PLAGL1: variants seen among roughly 807,000 people sequenced by gnomAD.
PLAGL1 encodes PLAG1 like zinc finger 1.
In PLAGL1, 1 loss-of-function variant was observed where a neutral mutation model predicts 4.6. That is an observed-to-expected ratio of 0.22 (90% CI 0.08 to 1.03). The LOEUF (loss-of-function observed/expected upper bound fraction) is 1.03. Among genes scored for constraint, PLAGL1 ranks in the 50% least tolerant of loss-of-function variants. PLAGL1 has a pLI of 0.58. For synonymous variants in PLAGL1, 240 were observed against 237.8 expected (o/e 1.01, Z -0.08); for missense variants, 464 against 570.4 (o/e 0.81, Z 1.90).
chr6:144,023,551 A>C (rs1297172415), intron 1 of PLAGL1, among the ~76,000 whole-genome samples: 3 of 152,162 alleles, frequency 2.0e-5, no homozygotes, highest in Non-Finnish European at 4.4e-5. Context: ...TAAGCACCAC[A>C]CTCTAATTGA....
chr6:144,002,882 G>C (rs9484837), intron 1 of PLAGL1, among the ~76,000 whole-genome samples: 91 of 148,360 alleles, frequency 6.1e-4, no homozygotes, highest in Non-Finnish European at 1.2e-3. Flanking sequence ...ATTCTGGTAG[G>C]CTTTTTTTTT....
chr6:144,012,375 G>C (rs1795247981), upstream of PLAGL1, among the ~76,000 whole-genome samples: 1 of 151,890 alleles, frequency 6.6e-6, no homozygotes, highest in African/African-American at 2.4e-5. The surrounding 1 kb of genome is among the most constrained non-coding windows in gnomAD (Gnocchi z 4.8). Context: ...ATCACAACCG[G>C]CTAATTTTTG....
At chr6:144,054,091 T>C (rs185175393) in intron 1 of PLAGL1, among the ~76,000 whole-genome samples, 1 of 152,282 alleles carries the variant, frequency 6.6e-6, no homozygotes, top group Non-Finnish European at 1.5e-5. Flanking sequence ...TGCTTTATAA[T>C]TATAAAGTCT....
At chr6:144,038,139 C>A (rs879727452) in intron 1 of PLAGL1, among the ~76,000 whole-genome samples, 2 of 152,120 alleles carry the variant, frequency 1.3e-5, no homozygotes, top group Non-Finnish European at 2.9e-5. Context: ...CTGATGAAAG[C>A]GATAAGCCTG....
chr6:143,991,849 G>T (rs1255371322), intron 1 of PLAGL1, among the ~76,000 whole-genome samples: 1 of 152,198 alleles, frequency 6.6e-6, no homozygotes, highest in Admixed American at 6.5e-5. Flanking sequence ...TAGACCCAAG[G>T]GGTGGCCAAG....
intron 2 of PLAGL1, among the ~76,000 whole-genome samples, chr6:143,976,350 CT>C (rs537375516): frequency 2.6e-4 from 34 of 130,564 alleles, no homozygotes; most frequent in Non-Finnish European, 5.2e-4. Flanking sequence ...CCTTATACTG[CT>C]TTTTGTTCAC....
At chr6:143,991,136 G>C (rs1359348757) in intron 1 of PLAGL1, among the ~76,000 whole-genome samples, 1 of 152,118 alleles carries the variant, frequency 6.6e-6, no homozygotes, top group African/African-American at 2.4e-5. Flanking sequence ...ATGTCCACAA[G>C]GTTGGAAAAC....
In PLAGL1 at chr6:143,961,466, G is replaced by C. The variant is rs1783362990; in HGVS notation, c.-398-924C>G. On this transcript the variant is annotated intron_variant, in intron 5 of 7. Transcript: ENST00000674357. The surrounding 1 kb of genome is among the most constrained non-coding windows in gnomAD (Gnocchi z 6.5). ...CAAAAAGGCTATGTCCATTTATTTT[G>C]TATGAGAACATCCTTTTAAGTTAAA... The C allele has an allele frequency of 6.6e-6, 1 of 152,156 alleles. No homozygotes were observed. Among genetic ancestry groups the C allele is most frequent in the Non-Finnish European group, 1.5e-5 (1 of 68,026 alleles). 9.4% of individuals were successfully genotyped at this position (152,156 alleles called of 1,614,324 possible).
At chr6:144,029,940 G>C (rs1796672264) in intron 1 of PLAGL1, among the ~76,000 whole-genome samples, 2 of 152,132 alleles carry the variant, frequency 1.3e-5, no homozygotes, top group Non-Finnish European at 2.9e-5. Context: ...ATTTCTAATA[G>C]CAAAAGTTCA....
At position 143,968,015 on chromosome 6, in the gene PLAGL1, A is replaced by AAAC. The variant is rs1784761777; in HGVS notation, c.-472+891_-472+892insGTT. On this transcript the variant is annotated intron_variant, in intron 3 of 7. Coordinates refer to ENST00000674357, the MANE Select transcript of PLAGL1 (RefSeq NM_001317162.2). This position sits in a 1 kb window ranked among gnomAD's most constrained non-coding sequence, Gnocchi z 6.3. The stretch of plus-strand genomic sequence containing the variant: ...CATTTTGCAAAAAAAAAAAAAAAAA[A>AAAC]AAACAGTCTGGAGAGAGGCCAAGAG... 6.6e-6 allele frequency: 1 copy of AAAC among 150,922 alleles called. No individual in the cohort carries two copies. Among genetic ancestry groups the AAAC allele is most frequent in the Non-Finnish European group, 1.5e-5 (1 of 67,842 alleles). 9.3% of individuals were successfully genotyped at this position (150,922 alleles called of 1,614,324 possible).
At chr6:144,062,340 G>A (rs923211934) in intron 1 of PLAGL1, among the ~76,000 whole-genome samples, 6 of 150,142 alleles carry the variant, frequency 4.0e-5, no homozygotes, top group African/African-American at 9.8e-5. Flanking sequence ...TCACGCCACC[G>A]CACTCCAGCC....
rs1396268850 is a variant in PLAGL1, at chr6:144,033,508, C to A, written c.-151+30960G>T. ...AGATTGTCTTCAGCAAACTGAAATA[C>A]AGACAGGAAAGGTGGTACCAGTGAG... On this transcript the variant is annotated intron_variant, in intron 1 of 3. Coordinates refer to the PLAGL1 transcript ENST00000437412. Among the ~76,000 whole-genome samples, 4 of 152,152 alleles carry A rather than the reference C, an allele frequency of 2.6e-5. No individual in the cohort carries two copies. The South Asian group carries it at 8.3e-4, about 32-fold the overall frequency.
chr6:144,008,537 T>G (rs967307734), upstream of PLAGL1: 6 of 151,966 alleles, frequency 3.9e-5, no homozygotes, highest in Non-Finnish European at 8.8e-5. The surrounding 1 kb of genome is among the most constrained non-coding windows in gnomAD (Gnocchi z 6.9). Context: ...CACCCACACG[T>G]CCTGCGGGCC....
intron 1 of PLAGL1, among the ~76,000 whole-genome samples, chr6:144,058,658 T>C (rs1163992538): frequency 2.0e-5 from 3 of 152,204 alleles, no homozygotes; most frequent in African/African-American, 7.2e-5. Flanking sequence ...ACATTCCCAT[T>C]TCTAAAGGGA....
intron 1 of PLAGL1, among the ~76,000 whole-genome samples, chr6:144,042,817 T>G (rs1406415000): frequency 1.3e-5 from 2 of 152,248 alleles, no homozygotes; most frequent in African/African-American, 4.8e-5. Flanking sequence ...CATGGAATGT[T>G]CTTCCATTTG....
At position 143,940,362 on chromosome 6, in the gene PLAGL1, A is replaced by C. The variant is rs1163631005; in HGVS notation, c.*1062T>G. On this transcript the variant is annotated 3_prime_UTR_variant, in exon 8 of 8. Transcript: ENST00000674357. ...TGTTTACGGAAAAGCCTCTAAAAAC[A>C]TAAGACAATGGAGCTTTAAAAAAGG... is the stretch of plus-strand genomic sequence containing the variant. 1 of 152,244 alleles carries C rather than the reference A, an allele frequency of 6.6e-6. No homozygotes were observed. The highest frequency in any genetic ancestry group is 1.5e-5 in the Non-Finnish European group (1 of 68,044). 9.4% of individuals were successfully genotyped at this position (152,244 alleles called of 1,614,324 possible). A position where few individuals can be genotyped will look rare whatever the true frequency, so the allele number is the denominator to read the frequency against.
chr6:143,977,287 T>C (rs897046977), intron 2 of PLAGL1, among the ~76,000 whole-genome samples: 15 of 152,142 alleles, frequency 9.9e-5, no homozygotes, highest in Non-Finnish European at 1.0e-4. Context: ...CAGAGAAGTT[T>C]TGCCGATCTT....
rs1388836485 is a variant in PLAGL1, at chr6:143,964,806, C to G, written c.-418G>C. On this transcript the variant is annotated 5_prime_UTR_variant, in exon 5 of 8. Coordinates refer to ENST00000674357, the MANE Select transcript of PLAGL1 (RefSeq NM_001317162.2). This position sits in a 1 kb window ranked among gnomAD's most constrained non-coding sequence, Gnocchi z 4.3. Reference sequence around the variant, plus strand: ...ACTCACAAGATTAACTCCTCTGATTCCTATGCAAATACCTAGAAAGGGAGA... The same window carrying G: ...ACTCACAAGATTAACTCCTCTGATTGCTATGCAAATACCTAGAAAGGGAGA... The G allele has an allele frequency of 6.6e-6, 1 of 152,180 alleles. No homozygotes were observed. Among genetic ancestry groups the G allele is most frequent in the East Asian group, 1.9e-4 (1 of 5,190 alleles). 9.4% of individuals were successfully genotyped at this position (152,180 alleles called of 1,614,324 possible). A position where few individuals can be genotyped will look rare whatever the true frequency, so the allele number is the denominator to read the frequency against.
At chr6:144,047,167 C>T (rs1276914015) in intron 1 of PLAGL1, among the ~76,000 whole-genome samples, 2 of 152,176 alleles carry the variant, frequency 1.3e-5, no homozygotes, top group Non-Finnish European at 1.5e-5. Flanking sequence ...TGAGGCAACA[C>T]CCCACCCTGC....
Sources: allele counts gnomAD v4.1 joint callset (sites outside exome capture counted in the v4.1 genomes callset), GRCh38; gene constraint gnomAD v4.1.1; non-coding constraint Gnocchi (gnomAD v3.1); transcripts MANE v1.5; gene names NCBI Gene and HGNC (gene_info 2026-07-23, HGNC 2026-07-21).